DHRS7: variants seen among roughly 807,000 people sequenced by gnomAD.
DHRS7 encodes the protein dehydrogenase/reductase 7.
A neutral mutation model predicts 38.9 loss-of-function variants in DHRS7; 34 were observed. The observed-to-expected ratio is 0.87, with a 90% CI of 0.66 to 1.16. The LOEUF is 1.16. Ranked by LOEUF, DHRS7 falls within the 50% of genes most tolerant of loss-of-function variation. The pLI is 0.00. For missense variants in DHRS7, 421 were observed against 407.0 expected (o/e 1.03, Z -0.30); for synonymous variants, 158 against 153.1 (o/e 1.03, Z -0.24).
chr14:60,165,478 A>G (rs1405286006), upstream of DHRS7: 17 of 1,341,156 alleles, frequency 1.3e-5, no homozygotes, highest in African/African-American at 4.7e-5. This position sits in a 1 kb window ranked among gnomAD's most constrained non-coding sequence, Gnocchi z 4.6. Flanking sequence ...CGCCGGGCTC[A>G]GCACTCGCGG....
intron 2 of DHRS7, among the ~76,000 whole-genome samples, chr14:60,155,589 TAA>T (rs1469931804): frequency 1.3e-5 from 2 of 152,248 alleles, no homozygotes; most frequent in African/African-American, 4.8e-5. Context: ...TCCTATATAA[TAA>T]GTCTTATCCC....
rs562938598 is a variant in DHRS7 at position 60,149,212 on chromosome 14, A to T, written c.972+141T>A. 154 of 734,232 alleles carry T rather than the reference A, an allele frequency of 2.1e-4. 1 individual carries two copies. Among genetic ancestry groups the T allele is most frequent in the Admixed American group, 1.2e-3 (52 of 44,462 alleles). 45.5% of individuals were successfully genotyped at this position (734,232 alleles called of 1,614,324 possible). On this transcript the variant is annotated intron_variant, in intron 6 of 6. Coordinates refer to ENST00000557185, the MANE Select transcript of DHRS7 (RefSeq NM_016029.4). ...GGTCTTGAACTCCTGGCCTCAAGTG[A>T]TCTGCCTTGGCCTCCCAAAGTGCTG...
At position 60,162,187 on chromosome 14, in the gene DHRS7, A is replaced by G. The variant is rs1330805190; in HGVS notation, c.133+2990T>C. Among the ~76,000 whole-genome samples, 5 of 152,128 alleles carry G rather than the reference A, an allele frequency of 3.3e-5. No homozygotes were observed. The highest frequency in any genetic ancestry group is 7.4e-5 in the Non-Finnish European group (5 of 68,014). On this transcript the variant is annotated intron_variant, in intron 1 of 6. Coordinates refer to ENST00000557185, the MANE Select transcript of DHRS7 (RefSeq NM_016029.4). This position sits in a 1 kb window ranked among gnomAD's most constrained non-coding sequence, Gnocchi z 4.5. ...GGCCAGGAGTTCAAGACCAGCCTGGAACATAGTGAGAGCCTGTTTCTACAA... is the reference window on the plus strand; with the variant it reads ...GGCCAGGAGTTCAAGACCAGCCTGGGACATAGTGAGAGCCTGTTTCTACAA...
At chr14:60,150,729 G>A (rs1050616769) in intron 4 of DHRS7, among the ~76,000 whole-genome samples, 1 of 152,168 alleles carries the variant, frequency 6.6e-6, no homozygotes, top group Admixed American at 6.5e-5. Flanking sequence ...ATGGACATTT[G>A]AGTTGGTTCC....
chr14:60,156,006 A>G lies in DHRS7; in HGVS notation c.280T>C (p.Cys94Arg), dbSNP rs763245073. 1 of 1,569,408 alleles carries G rather than the reference A, an allele frequency of 6.4e-7. No individual in the cohort carries two copies. The highest frequency in any genetic ancestry group is 8.6e-7 in the Non-Finnish European group (1 of 1,159,448). The change falls in exon 2 of 7, where the codon TGC becomes CGC. Residue 94 changes from cysteine (C) to arginine (R), a missense_variant. By Grantham distance (180) the Cys-to-Arg change is radical. Transcript: ENST00000557185. ...VHELERVKRR[C>R]LENGNLKEKD... ...CTATTTCAGATCCGCTTACCTAGGC[A>G]TCTTCTTTTCACCCTTTCCAGCTCA...
At chr14:60,165,409 G>A, upstream of DHRS7, 2 of 1,465,926 alleles carry the variant, frequency 1.4e-6, no homozygotes, top group Middle Eastern at 2.5e-4. This position sits in a 1 kb window ranked among gnomAD's most constrained non-coding sequence, Gnocchi z 4.6. Context: ...GGCCAGCCCA[G>A]AGCCGCACTG....
At chr14:60,168,426 A>G (rs997291474), upstream of DHRS7, among the ~76,000 whole-genome samples, 2 of 152,166 alleles carry the variant, frequency 1.3e-5, no homozygotes, top group African/African-American at 4.8e-5. Context: ...AGCTGGTGAA[A>G]TTTGAACGAG....
intron 1 of DHRS7, among the ~76,000 whole-genome samples, chr14:60,158,059 C>A (rs573878637): frequency 6.6e-6 from 1 of 151,982 alleles, no homozygotes; most frequent in South Asian, 2.1e-4. Flanking sequence ...ATGATGGAAC[C>A]TGTTCTCTAT....
upstream of DHRS7, chr14:60,165,412 C>T (rs1305082036): frequency 2.1e-6 from 3 of 1,452,416 alleles, no homozygotes; most frequent in Non-Finnish European, 2.7e-6. This position sits in a 1 kb window ranked among gnomAD's most constrained non-coding sequence, Gnocchi z 4.6. Context: ...CAGCCCAGAG[C>T]CGCACTGCCC....
upstream of DHRS7, among the ~76,000 whole-genome samples, chr14:60,167,008 T>C (rs1896877100): frequency 1.3e-5 from 2 of 152,144 alleles, no homozygotes; most frequent in Non-Finnish European, 1.5e-5. Context: ...TGGAGATGGT[T>C]AACGGATACA....
chr14:60,150,282 A>G, intron 4 of DHRS7, 95 bp from the exon 5 acceptor site: 1 of 1,196,036 alleles, frequency 8.4e-7, no homozygotes, highest in Admixed American at 3.1e-5. Flanking sequence ...GTGTGAGTAA[A>G]GGACAGGTAG....
chr14:60,151,783 A>G (rs953655610), intron 4 of DHRS7, among the ~76,000 whole-genome samples: 2 of 152,220 alleles, frequency 1.3e-5, no homozygotes, highest in African/African-American at 4.8e-5. Flanking sequence ...TGGTAACTAC[A>G]GTCTCAACCT....
chr14:60,168,623 A>G (rs767138803), upstream of DHRS7: 6 of 1,472,292 alleles, frequency 4.1e-6, no homozygotes, highest in Admixed American at 2.8e-5. Context: ...AAATATGCAA[A>G]TATTTTCTTA....
rs755071916 is a variant in DHRS7 at position 60,162,940 on chromosome 14, G to C, written c.133+2237C>G. Among the ~76,000 whole-genome samples the C allele has an allele frequency of 7.9e-5, 12 of 152,086 alleles. No homozygotes were observed. The highest frequency in any genetic ancestry group is 1.2e-4 in the Non-Finnish European group (8 of 68,012). Reference sequence around the variant, plus strand: ...ATCCCAACACTTTGGGAGGCAGAGCGGGGTGGATCACCTGAGGTCAGGGGT... The same window carrying C: ...ATCCCAACACTTTGGGAGGCAGAGCCGGGTGGATCACCTGAGGTCAGGGGT... On this transcript the variant is annotated intron_variant, in intron 1 of 6. Transcript: ENST00000557185. The surrounding 1 kb of genome is among the most constrained non-coding windows in gnomAD (Gnocchi z 4.5).
chr14:60,149,408 C>A lies in DHRS7; in HGVS notation c.917G>T (p.Trp306Leu), dbSNP rs1355879051. The change falls in exon 6 of 7, where the codon TGG (tryptophan) becomes TTG (leucine). Residue 306 changes from tryptophan (W) to leucine (L), a missense_variant. Trp to Leu is a moderately conservative substitution (Grantham distance 61). Transcript: ENST00000557185. ...CTTCCCCATCTTGTTGGTTATCCAC[C>A]AGGCCCAGGTTGGCATGTATTGCCA... ...YLWQYMPTWA[W>L]WITNKMGKKR... is the part of the protein sequence containing the mutation. 1 of 1,614,144 alleles carries A rather than the reference C, an allele frequency of 6.2e-7. No individual in the cohort carries two copies. Among genetic ancestry groups the A allele is most frequent in the Non-Finnish European group, 8.5e-7 (1 of 1,180,030 alleles).
rs771915686 is a variant in DHRS7 at position 60,149,478 on chromosome 14, C to G, written c.847G>C (p.Glu283Gln). ...AAAGGTTGTTCTGAGATCCAAACTT[C>G]TTTCAAATCATTGGCCATGCTGATT... ...MLISMANDLK[E>Q]VWISEQPFLL... Residue 283 changes from glutamate to glutamine, a missense_variant, in exon 6 of 7, where the codon GAA becomes CAA. Physicochemically the swap from Glu to Gln is conservative, Grantham distance 29. Coordinates refer to ENST00000557185, the MANE Select transcript of DHRS7 (RefSeq NM_016029.4). 1.9e-6 allele frequency: 3 copies of G among 1,614,036 alleles called. No individual in the cohort carries two copies. In the African/African-American group the frequency reaches 4.0e-5, roughly 22 times the overall value.
chr14:60,151,231 A>G (rs1298151741), intron 4 of DHRS7, among the ~76,000 whole-genome samples: 2 of 152,228 alleles, frequency 1.3e-5, no homozygotes, highest in Non-Finnish European at 2.9e-5. Context: ...TGCCTACTGA[A>G]TGACTTGTGT....
chr14:60,159,005 C>T (rs1349098014), intron 1 of DHRS7: 3 of 409,432 alleles, frequency 7.3e-6, no homozygotes, highest in Non-Finnish European at 9.5e-6. Flanking sequence ...GCATCCTCCC[C>T]ATCCCTTCCT....
intron 1 of DHRS7, among the ~76,000 whole-genome samples, 173 bp from the exon 2 acceptor site, chr14:60,156,325 A>C (rs1377964113): frequency 6.6e-6 from 1 of 152,192 alleles, no homozygotes; most frequent in Non-Finnish European, 1.5e-5. Context: ...AACTAAAAAA[A>C]AAAAAAAGCA....
Sources: allele counts gnomAD v4.1 joint callset (sites outside exome capture counted in the v4.1 genomes callset), GRCh38; gene constraint gnomAD v4.1.1; non-coding constraint Gnocchi (gnomAD v3.1); transcripts MANE v1.5; gene names NCBI Gene and HGNC (gene_info 2026-07-23, HGNC 2026-07-21).